CEP192: variants seen among roughly 807,000 people sequenced by gnomAD.
CEP192 encodes centrosomal protein of 192 kDa.
In CEP192, 151 loss-of-function variants were observed where a neutral mutation model predicts 271.8. That is an observed-to-expected ratio of 0.56 (90% CI 0.49 to 0.64). CEP192 has a LOEUF of 0.64. Ranked by LOEUF, CEP192 falls within the 30% of genes least tolerant of loss-of-function variation. The probability of loss-of-function intolerance (pLI) is 0.00; values close to 1 mark genes in which losing one functional copy is unlikely to be tolerated. For synonymous variants in CEP192, 995 were observed against 1,076.5 expected, an observed-to-expected ratio of 0.92 and a Z score of 1.48; for missense variants, 2,910 against 3,020.5, an observed-to-expected ratio of 0.96 and a Z score of 0.86.
intron 17 of CEP192, among the ~76,000 whole-genome samples, chr18:13,051,329 A>G (rs540884615): frequency 6.6e-6 from 1 of 152,192 alleles, no homozygotes; most frequent in Admixed American, 6.5e-5. Context: ...GTGACTCAGA[A>G]CATTTTCCGT....
intron 28 of CEP192, among the ~76,000 whole-genome samples, chr18:13,072,111 G>A (rs972918331): frequency 6.6e-6 from 1 of 152,188 alleles, no homozygotes. Flanking sequence ...TGGATGAGAC[G>A]TAGACCTCAG....
chr18:13,106,141 G>C (rs1009208442), intron 40 of CEP192, among the ~76,000 whole-genome samples: 6 of 152,090 alleles, frequency 3.9e-5, no homozygotes, highest in Non-Finnish European at 8.8e-5. Context: ...GAGGCATCAT[G>C]CTACCTGACT....
Position 13,056,007 on chromosome 18 carries a change from T to G in CEP192, c.3417T>G (p.Asp1139Glu), listed in dbSNP as rs774182186. 1.1e-5 allele frequency: 17 copies of G among 1,614,220 alleles called. 1 individual carries two copies. In the South Asian group the frequency reaches 1.9e-4, roughly 18 times the overall value. ...YVKPDFRWSK[D>E]PSSKSGNLLE... ...AACCTGACTTTAGATGGAGTAAAGA[T>G]CCTTCCTCCAAAAGTGGAAATCTGT... Residue 1139 changes from aspartate to glutamate, a missense_variant, in exon 19 of 45, where the codon GAT becomes GAG. Asp to Glu is a conservative substitution (Grantham distance 45). Coordinates refer to ENST00000506447, the MANE Select transcript of CEP192 (RefSeq NM_032142.4).
At chr18:13,032,988 G>C (rs1033579922) in intron 11 of CEP192, among the ~76,000 whole-genome samples, 1 of 152,212 alleles carries the variant, frequency 6.6e-6, no homozygotes, top group Non-Finnish European at 1.5e-5. Flanking sequence ...CCAGCCACAG[G>C]GCAGTGGCTA....
In CEP192 at chr18:13,098,513, G is replaced by A. The variant is rs553539348; in HGVS notation, c.6558-963G>A. Among the ~76,000 whole-genome samples, 1,295 of 151,498 alleles carry A rather than the reference G, an allele frequency of 8.5e-3. 23 individuals are homozygous for A. Among genetic ancestry groups the A allele is most frequent in the African/African-American group, 0.029 (1,195 of 41,140 alleles). On this transcript the variant is annotated intron_variant, in intron 36 of 44. Transcript: ENST00000506447. ...TCACCTCCCAGATGGGGTCGCGGCC[G>A]GGCAGAGGCGCTCCTCACATCCCAG...
chr18:13,057,463 A>G (rs912823725), intron 19 of CEP192, 122 bp from the exon 20 acceptor site: 1 of 1,045,166 alleles, frequency 9.6e-7, no homozygotes, highest in African/African-American at 1.6e-5. Context: ...CATCTGGAGC[A>G]CTTTGACTCT....
At chr18:13,001,431 A>C (rs1261427973) in intron 2 of CEP192, 26 bp from the exon 3 acceptor site, 1 of 1,488,054 alleles carries the variant, frequency 6.7e-7, no homozygotes, top group Admixed American at 2.1e-5. Flanking sequence ...AATTCTTAAC[A>C]ATTAAAACAA....
At chr18:13,105,987 C>T (rs2039928706) in intron 40 of CEP192, among the ~76,000 whole-genome samples, 1 of 152,156 alleles carries the variant, frequency 6.6e-6, no homozygotes, top group Admixed American at 6.5e-5. Flanking sequence ...CAGCTGGGCC[C>T]AAAGCAGTCT....
intron 36 of CEP192, among the ~76,000 whole-genome samples, chr18:13,099,145 G>C (rs902993305): frequency 6.7e-6 from 1 of 150,000 alleles, no homozygotes; most frequent in South Asian, 2.2e-4. Flanking sequence ...GTCCAGCTTC[G>C]GCTCGGCATC....
At chr18:13,010,186 A>G (rs924384263) in intron 4 of CEP192, among the ~76,000 whole-genome samples, 8 of 152,274 alleles carry the variant, frequency 5.3e-5, no homozygotes, top group Admixed American at 1.3e-4. Context: ...GTTGTTTAAA[A>G]AAATCATAGG....
At chr18:13,039,452 T>C (rs1457260532) in intron 13 of CEP192, among the ~76,000 whole-genome samples, 1 of 22,152 alleles carries the variant, frequency 4.5e-5, no homozygotes, top group Non-Finnish European at 8.8e-5. Context: ...CGAGACTCCA[T>C]CTCAAAAAAA....
chr18:13,082,364 T>C (rs1210425269), intron 30 of CEP192, among the ~76,000 whole-genome samples: 2 of 152,068 alleles, frequency 1.3e-5, no homozygotes, highest in Admixed American at 1.3e-4. Flanking sequence ...TATGATGGCT[T>C]TCTTGGTCTC....
At chr18:13,020,562 C>A (rs564243857) in intron 9 of CEP192, among the ~76,000 whole-genome samples, 57 of 152,134 alleles carry the variant, frequency 3.7e-4, no homozygotes, top group Middle Eastern at 6.8e-3. Flanking sequence ...CTGTTCGAGT[C>A]CTAGCTTTCA....
At chr18:13,055,076 A>C (rs1353289943) in intron 18 of CEP192, among the ~76,000 whole-genome samples, 2 of 152,036 alleles carry the variant, frequency 1.3e-5, no homozygotes. Flanking sequence ...TCAGGAGTTT[A>C]AGACCAGCCT....
At chr18:13,009,155 GCTTCGATGTATT>G (rs2034180359) in intron 4 of CEP192, among the ~76,000 whole-genome samples, 1 of 152,108 alleles carries the variant, frequency 6.6e-6, no homozygotes, top group Admixed American at 6.5e-5. Context: ...GTCACTCCTG[GCTTCGATGTATT>G]CATCTTGTAC....
chr18:13,119,467 G>T (rs1398270967), intron 44 of CEP192, among the ~76,000 whole-genome samples: 1 of 152,182 alleles, frequency 6.6e-6, no homozygotes, highest in Non-Finnish European at 1.5e-5. Context: ...TTTAGGCTGG[G>T]TGTGGTGGCT....
chr18:13,026,320 A>T (rs146685973), intron 9 of CEP192, among the ~76,000 whole-genome samples: 1 of 152,128 alleles, frequency 6.6e-6, no homozygotes, highest in Non-Finnish European at 1.5e-5. Flanking sequence ...TTGAAATGAT[A>T]TGCTTAGGTG....
At chr18:13,096,457 A>G in intron 36 of CEP192, 150 bp downstream of exon 36, 1 of 1,007,202 alleles carries the variant, frequency 9.9e-7, no homozygotes, top group Non-Finnish European at 1.4e-6. Context: ...TCTGCAGGTC[A>G]GCTGTGAGTT....
intron 11 of CEP192, among the ~76,000 whole-genome samples, chr18:13,035,335 C>T (rs543503616): frequency 2.0e-5 from 3 of 152,150 alleles, no homozygotes; most frequent in African/African-American, 7.2e-5. Flanking sequence ...AAGAGGTTTG[C>T]TTGGACTTAC....
Sources: gnomAD v4.1 joint callset for allele counts (sites outside exome capture counted in the v4.1 genomes callset) on GRCh38, gnomAD v4.1.1 for gene constraint, MANE v1.5 for transcripts, NCBI Gene and HGNC (gene_info 2026-07-23, HGNC 2026-07-21) for gene names.